The following PMS1 variants were observed in gnomAD, a reference collection of about 807,000 sequenced individuals.
PMS1 encodes the protein PMS1 protein homolog 1.
In PMS1, 79 loss-of-function variants were observed where a neutral mutation model predicts 93.1. That is an observed-to-expected ratio of 0.85 (90% CI 0.71 to 1.02). The LOEUF is 1.02. Ranked by LOEUF, PMS1 falls within the 50% of genes least tolerant of loss-of-function variation. PMS1 has a pLI of 0.00. For missense variants in PMS1, 1,064 were observed against 1,085.3 expected (o/e 0.98, Z 0.28); for synonymous variants, 335 against 363.4 (o/e 0.92, Z 0.89).
rs367889406 is a variant in PMS1, at chr2:189,872,051, T to A, written c.2474-1445T>A. 5.3e-5 allele frequency among the ~76,000 whole-genome samples: 8 copies of A among 152,186 alleles called. No individual in the cohort carries two copies. The East Asian group carries it at 1.4e-3, about 26-fold the overall frequency. On this transcript the variant is annotated intron_variant, in intron 11 of 12. Transcript: ENST00000441310. ...ATGGCACCAAGCCATTCATGATGGA[T>A]CTGCCCCATGACCCAATGCACCTCC...
chr2:189,818,634 C>A (rs2051535195), intron 5 of PMS1, among the ~76,000 whole-genome samples: 1 of 152,148 alleles, frequency 6.6e-6, no homozygotes, highest in African/African-American at 2.4e-5. Context: ...TGTTAGTCCA[C>A]ATTTATCTAG....
chr2:189,813,123 GGA>G (rs1318037939), intron 4 of PMS1, among the ~76,000 whole-genome samples: 1 of 152,132 alleles, frequency 6.6e-6, no homozygotes. Flanking sequence ...GACATAAATT[GGA>G]GAGACTCCTA....
chr2:189,791,954 G>A lies in PMS1; in HGVS notation c.132+13G>A. ...AGATGTTAAACTGGTGAGTGTCCTT[G>A]AGAACCCAAATACCTTTAAGACAAA... is the stretch of plus-strand genomic sequence containing the variant. On this transcript the variant is annotated intron_variant, in intron 2 of 12. Transcript: ENST00000441310. The A allele has an allele frequency of 6.2e-7, 1 of 1,612,942 alleles. No homozygotes were observed. The highest frequency in any genetic ancestry group is 8.5e-7 in the Non-Finnish European group (1 of 1,179,072).
rs186409754 is a variant in PMS1, at chr2:189,851,403, A to G, written c.700-1252A>G. On this transcript the variant is annotated intron_variant, in intron 6 of 12. Transcript: ENST00000441310. ...CAGCAGGTGCTTTAAGAAGGGTCTC[A>G]TGTTACCTGGTAAATTATACAACCA... Among the ~76,000 whole-genome samples, 194 of 152,312 alleles carry G rather than the reference A, an allele frequency of 1.3e-3. 1 individual carries two copies. The highest frequency in any genetic ancestry group is 4.4e-3 in the African/African-American group (182 of 41,572).
chr2:189,790,981 G>A (rs2048811779), intron 1 of PMS1, among the ~76,000 whole-genome samples: 1 of 152,078 alleles, frequency 6.6e-6, no homozygotes, highest in South Asian at 2.1e-4. Context: ...TACAGAGTTC[G>A]AGTTTGCAAG....
intron 5 of PMS1, among the ~76,000 whole-genome samples, chr2:189,837,298 T>C (rs115831793): frequency 6.6e-6 from 1 of 151,934 alleles, no homozygotes; most frequent in East Asian, 1.9e-4. Flanking sequence ...GCTAATTTTT[T>C]ATTTTTTTTT....
At chr2:189,805,799 C>A (rs757451303) in intron 4 of PMS1, 45 bp downstream of exon 4, 18 of 1,605,762 alleles carry the variant, frequency 1.1e-5, no homozygotes, top group Non-Finnish European at 1.5e-5. Context: ...CCTTTTCTGT[C>A]TTAATTGTTG....
rs1014461737 is a variant in PMS1 at position 189,805,981 on chromosome 2, G to A, written c.418+227G>A. 1.1e-5 allele frequency: 15 copies of A among 1,394,288 alleles called. No individual in the cohort carries two copies. The African/African-American group carries it at 1.6e-4, about 15-fold the overall frequency. 86.4% of individuals were successfully genotyped at this position (1,394,288 alleles called of 1,614,324 possible). A position where few individuals can be genotyped will look rare whatever the true frequency, so the allele number is the denominator to read the frequency against. On this transcript the variant is annotated intron_variant, in intron 4 of 12. Coordinates refer to ENST00000441310, the MANE Select transcript of PMS1 (RefSeq NM_000534.5). The stretch of plus-strand genomic sequence containing the variant: ...TGTATGAGAGACTGGACACTTCCAT[G>A]GACTAGTTACTCCTCTGTAAAAACT...
rs571500668 is a variant in PMS1 at position 189,833,858 on chromosome 2, T to C, written c.583-10106T>C. On this transcript the variant is annotated intron_variant, in intron 5 of 12. Transcript: ENST00000441310. ...GCTTTAGATCTTCAAGATTTTTACT[T>C]TTGAGGAAAAAATTATAGAACTTTC... 2.0e-5 allele frequency among the ~76,000 whole-genome samples: 3 copies of C among 152,286 alleles called. No individual in the cohort carries two copies. In the South Asian group the frequency reaches 6.2e-4, roughly 32 times the overall value.
intron 4 of PMS1, among the ~76,000 whole-genome samples, chr2:189,814,170 T>C (rs2051072601): frequency 1.3e-5 from 2 of 149,452 alleles, no homozygotes; most frequent in Admixed American, 6.6e-5. Flanking sequence ...CAAAGAATAG[T>C]AGCACCAAAG....
rs146167781 is a variant in PMS1, at chr2:189,789,206, G to A, written c.-20-2584G>A. Among the ~76,000 whole-genome samples the A allele has an allele frequency of 7.2e-5, 11 of 152,080 alleles. No individual in the cohort carries two copies. In the East Asian group the frequency reaches 2.1e-3, roughly 29 times the overall value. ...ATTATAATACTCTACATTTTATAAG[G>A]CCTTATCATTTGTAGAACAACACTT... is the stretch of plus-strand genomic sequence containing the variant. On this transcript the variant is annotated intron_variant, in intron 1 of 12. Coordinates refer to ENST00000441310, the MANE Select transcript of PMS1 (RefSeq NM_000534.5).
intron 3 of PMS1, among the ~76,000 whole-genome samples, chr2:189,799,211 A>G (rs1489443682): frequency 2.0e-5 from 3 of 152,262 alleles, no homozygotes; most frequent in Non-Finnish European, 2.9e-5. Flanking sequence ...GTGGAAAACT[A>G]TAAAGTTTTT....
rs1244407512 is a variant in PMS1 at position 189,854,645 on chromosome 2, T to G, written c.1373T>G (p.Phe458Cys). ...NSQTEYSKTCFISSVKHTQSE... is the reference protein window; with the variant it reads ...NSQTEYSKTCCISSVKHTQSE... ...CAGACGGAATATAGTAAAACTTGTT[T>G]TATAAGTTCCGTTAAGCACACCCAG... The change falls in exon 9 of 13, where the codon TTT becomes TGT. Residue 458 changes from phenylalanine to cysteine, a missense_variant. Coordinates refer to ENST00000441310, the MANE Select transcript of PMS1 (RefSeq NM_000534.5). 6.2e-7 allele frequency: 1 copy of G among 1,613,868 alleles called. No individual in the cohort carries two copies. Among genetic ancestry groups the G allele is most frequent in the Non-Finnish European group, 8.5e-7 (1 of 1,179,930 alleles).
At position 189,851,272 on chromosome 2, in the gene PMS1, TTTC is replaced by T. The variant is rs533088740; in HGVS notation, c.700-1376_700-1374del. ...AGGAAATCACTAGCAATATTACATATTTCTTCTTCATTTTATTATTTATTCTTA... is the reference window on the plus strand; with the variant it reads ...AGGAAATCACTAGCAATATTACATATTTCTTCATTTTATTATTTATTCTTA... On this transcript the variant is annotated intron_variant, in intron 6 of 12. Transcript: ENST00000441310. Among the ~76,000 whole-genome samples, 488 of 152,298 alleles carry T rather than the reference TTTC, an allele frequency of 3.2e-3. 5 individuals carry two copies. The highest frequency in any genetic ancestry group is 0.011 in the African/African-American group (469 of 41,566).
intron 1 of PMS1, among the ~76,000 whole-genome samples, chr2:189,787,756 G>A (rs1160524384): frequency 6.6e-6 from 1 of 152,072 alleles, no homozygotes; most frequent in East Asian, 1.9e-4. Context: ...CTTACTAACA[G>A]CTATATGATA....
intron 5 of PMS1, among the ~76,000 whole-genome samples, chr2:189,843,476 G>A (rs541766639): frequency 2.0e-5 from 3 of 152,276 alleles, no homozygotes; most frequent in African/African-American, 2.4e-5. Flanking sequence ...TGCTCTTTCC[G>A]AAATTTTTAT....
chr2:189,811,104 T>C (rs2050803929), intron 4 of PMS1, among the ~76,000 whole-genome samples: 1 of 151,000 alleles, frequency 6.6e-6, no homozygotes, highest in African/African-American at 2.4e-5. Flanking sequence ...GAACAAAAAG[T>C]ACTATGAAGA....
chr2:189,805,660 TACA>T lies in PMS1; in HGVS notation c.329_331del (p.Thr110del). ...ATGTTTTTTTCCCCCAGGTTTTAAT[TACA>T]ACAAGAACGGCTGCTGATAATTTTA... On this transcript the variant is annotated inframe_deletion, in exon 4 of 13. Coordinates refer to ENST00000441310, the MANE Select transcript of PMS1 (RefSeq NM_000534.5). 2 of 1,613,604 alleles carry T rather than the reference TACA, an allele frequency of 1.2e-6. No homozygotes were observed. The highest frequency in any genetic ancestry group is 1.7e-6 in the Non-Finnish European group (2 of 1,179,634).
At chr2:189,799,594 C>T (rs2049694224) in intron 3 of PMS1, among the ~76,000 whole-genome samples, 1 of 152,194 alleles carries the variant, frequency 6.6e-6, no homozygotes, top group Non-Finnish European at 1.5e-5. Flanking sequence ...TTGATTGTAC[C>T]TGAAAACTAA....
Sources: gnomAD v4.1 joint callset for allele counts (sites outside exome capture counted in the v4.1 genomes callset) on GRCh38, gnomAD v4.1.1 for gene constraint, MANE v1.5 for transcripts, NCBI Gene and HGNC (gene_info 2026-07-23, HGNC 2026-07-21) for gene names.